Variants in KIAA1217 observed in about 807,000 individuals in gnomAD.
KIAA1217 encodes sickle tail protein homolog.
Under a neutral mutation model 163.9 loss-of-function variants are expected in KIAA1217, and 88 were observed. The ratio of observed to expected loss-of-function variants is 0.54; its 90% CI spans 0.45 to 0.64. The LOEUF (loss-of-function observed/expected upper bound fraction) is 0.64. Ranked by LOEUF, KIAA1217 falls within the 30% of genes least tolerant of loss-of-function variation. The pLI, the probability that KIAA1217 is intolerant of heterozygous loss-of-function variation, is 0.00. For missense variants in KIAA1217, 2,372 were observed against 2,475.0 expected (o/e 0.96, Z 0.88); for synonymous variants, 903 against 923.1 (o/e 0.98, Z 0.39).
At chr10:23,806,655 T>C (rs1486047775) in intron 1 of KIAA1217, among the ~76,000 whole-genome samples, 2 of 152,262 alleles carry the variant, frequency 1.3e-5, no homozygotes, top group Admixed American at 1.3e-4. Flanking sequence ...TAATGATTTT[T>C]TGCTAGCCTA....
chr10:24,503,171 G>C (rs889019274), intron 9 of KIAA1217, among the ~76,000 whole-genome samples: 2 of 152,114 alleles, frequency 1.3e-5, no homozygotes, highest in African/African-American at 4.8e-5. Context: ...CTTGCCCTCT[G>C]CCTACCAGAA....
At chr10:23,716,863 G>GT (rs1025002982) in intron 1 of KIAA1217, among the ~76,000 whole-genome samples, 144 of 152,088 alleles carry the variant, frequency 9.5e-4, no homozygotes, top group African/African-American at 3.3e-3. Flanking sequence ...ACTACATCAC[G>GT]TTTTTTCTTT....
At chr10:24,499,424 G>A (rs1010182397) in intron 8 of KIAA1217, among the ~76,000 whole-genome samples, 3 of 152,218 alleles carry the variant, frequency 2.0e-5, no homozygotes, top group Admixed American at 1.3e-4. Context: ...TGATGTGAGT[G>A]ACCATTTAGG....
intron 1 of KIAA1217, among the ~76,000 whole-genome samples, chr10:23,843,583 C>T (rs1278866485): frequency 6.6e-6 from 1 of 152,102 alleles, no homozygotes; most frequent in African/African-American, 2.4e-5. Flanking sequence ...CCACTCTGTC[C>T]TTCCTAATTC....
intron 2 of KIAA1217, among the ~76,000 whole-genome samples, chr10:24,035,606 C>T (rs1035290085): frequency 2.0e-5 from 3 of 152,118 alleles, no homozygotes; most frequent in Admixed American, 6.6e-5. Flanking sequence ...GATGGAAACC[C>T]CAGTTAGACG....
chr10:24,247,647 C>G (rs2073975595), intron 2 of KIAA1217, among the ~76,000 whole-genome samples: 1 of 152,054 alleles, frequency 6.6e-6, no homozygotes, highest in South Asian at 2.1e-4. Context: ...AATACAAAAA[C>G]AAAATTAGCA....
chr10:24,152,090 C>G (rs767538945), intron 2 of KIAA1217, among the ~76,000 whole-genome samples: 2 of 152,144 alleles, frequency 1.3e-5, no homozygotes, highest in Non-Finnish European at 2.9e-5. Context: ...GCATGGCTCT[C>G]TCCTTCTTTT....
At chr10:23,985,052 A>G (rs1589187606) in intron 1 of KIAA1217, among the ~76,000 whole-genome samples, 2 of 152,232 alleles carry the variant, frequency 1.3e-5, no homozygotes, top group East Asian at 3.9e-4. Flanking sequence ...TTTGAGCTGA[A>G]CAGGCTTCTA....
intron 2 of KIAA1217, among the ~76,000 whole-genome samples, chr10:24,223,716 T>C (rs2070005901): frequency 6.6e-6 from 1 of 150,710 alleles, no homozygotes; most frequent in Non-Finnish European, 1.5e-5. Flanking sequence ...AGGTTCTTTT[T>C]TTTTTTTTTT....
intron 1 of KIAA1217, among the ~76,000 whole-genome samples, chr10:23,976,552 C>G (rs1369472696): frequency 6.6e-6 from 1 of 152,168 alleles, no homozygotes; most frequent in African/African-American, 2.4e-5. Flanking sequence ...CGATATTCCT[C>G]AATACTCAAC....
chr10:23,941,609 C>T (rs1415034483), intron 1 of KIAA1217, among the ~76,000 whole-genome samples: 3 of 152,068 alleles, frequency 2.0e-5, no homozygotes, highest in Admixed American at 6.6e-5. Flanking sequence ...GGGGAGGTGA[C>T]CACAGAATGT....
chr10:23,759,443 G>A lies in KIAA1217; in HGVS notation c.-321+64209G>A, dbSNP rs564770111. On this transcript the variant is annotated intron_variant, in intron 1 of 18. Transcript: ENST00000376462. ...GGCTCTGGCTAGGACTTCCAGTACT[G>A]TGTTGAATAGAAGTGGAAAAGTGGG... is the stretch of plus-strand genomic sequence containing the variant. 9.2e-5 allele frequency among the ~76,000 whole-genome samples: 14 copies of A among 152,260 alleles called. No homozygotes were observed. In the South Asian group the frequency reaches 2.9e-3, roughly 32 times the overall value.
At chr10:23,749,270 T>C (rs1399356966) in intron 1 of KIAA1217, among the ~76,000 whole-genome samples, 1 of 152,202 alleles carries the variant, frequency 6.6e-6, no homozygotes, top group African/African-American at 2.4e-5. Flanking sequence ...CATGTACCAA[T>C]TTTAACCACT....
At chr10:23,935,670 A>C (rs925180002) in intron 1 of KIAA1217, among the ~76,000 whole-genome samples, 1 of 152,246 alleles carries the variant, frequency 6.6e-6, no homozygotes, top group Non-Finnish European at 1.5e-5. Context: ...AGGTACACAG[A>C]AAATCATATA....
At chr10:24,407,543 T>G (rs1412928797) in intron 3 of KIAA1217, among the ~76,000 whole-genome samples, 1 of 152,094 alleles carries the variant, frequency 6.6e-6, no homozygotes, top group Non-Finnish European at 1.5e-5. Context: ...TGGCCTCAAG[T>G]GATCCCCCCA....
chr10:24,046,974 C>T (rs1200116625), intron 2 of KIAA1217, among the ~76,000 whole-genome samples: 1 of 152,190 alleles, frequency 6.6e-6, no homozygotes, highest in African/African-American at 2.4e-5. Context: ...TTTCTGGTGG[C>T]ACTCTGCAAT....
rs181294153 is a variant in KIAA1217, at chr10:24,215,791, C to T, written c.71-3835C>T. 1.4e-3 allele frequency among the ~76,000 whole-genome samples: 215 copies of T among 152,216 alleles called. 3 individuals carry two copies. Among genetic ancestry groups the T allele is most frequent in the African/African-American group, 4.9e-3 (205 of 41,544 alleles). On this transcript the variant is annotated intron_variant, in intron 1 of 20. Coordinates refer to ENST00000376454, the MANE Select transcript of KIAA1217 (RefSeq NM_019590.5). ...TTGTGTGGAAAGTGGCGTTAGGTGG[C>T]TCTGAGTGCTGGTGACAGGAGAGCA...
chr10:24,538,607 A>AGGAAGG (rs1195169119), intron 17 of KIAA1217, among the ~76,000 whole-genome samples: 23 of 61,538 alleles, frequency 3.7e-4, no homozygotes, highest in South Asian at 1.0e-3. Flanking sequence ...GAAGGAAGGA[A>AGGAAGG]AAAGAGAGGA....
At chr10:24,145,365 G>A (rs2064260160) in intron 2 of KIAA1217, among the ~76,000 whole-genome samples, 1 of 152,248 alleles carries the variant, frequency 6.6e-6, no homozygotes, top group South Asian at 2.1e-4. Flanking sequence ...AGATTAGTCA[G>A]AAGCTTAAAT....
Sources: allele counts gnomAD v4.1 joint callset (sites outside exome capture counted in the v4.1 genomes callset), GRCh38; gene constraint gnomAD v4.1.1; transcripts MANE v1.5; gene names NCBI Gene and HGNC (gene_info 2026-07-23, HGNC 2026-07-21).